SGCZ: variants seen among roughly 807,000 people sequenced by gnomAD.
SGCZ encodes the protein zeta-sarcoglycan.
Under a neutral mutation model 41.3 loss-of-function variants are expected in SGCZ, and 40 were observed. The ratio of observed to expected loss-of-function variants is 0.97; its 90% CI spans 0.75 to 1.26. The LOEUF is 1.26. Among genes scored for constraint, SGCZ ranks in the 50% most tolerant of loss-of-function variants. The pLI, the probability that SGCZ is intolerant of heterozygous loss-of-function variation, is 0.00. For synonymous variants in SGCZ, 206 were observed against 137.5 expected (o/e 1.50, Z -3.49); for missense variants, 552 against 369.8 (o/e 1.49, Z -4.04).
intron 4 of SGCZ, among the ~76,000 whole-genome samples, chr8:14,177,393 A>C (rs1804574831): frequency 1.3e-5 from 2 of 152,228 alleles, no homozygotes; most frequent in South Asian, 4.1e-4. Context: ...TCTTGTGAAC[A>C]TAATTTAACT....
chr8:14,683,980 G>T (rs1369131150), intron 1 of SGCZ, among the ~76,000 whole-genome samples: 1 of 151,916 alleles, frequency 6.6e-6, no homozygotes, highest in Admixed American at 6.6e-5. Context: ...ACAATCCATG[G>T]GATGCCATAG....
intron 1 of SGCZ, among the ~76,000 whole-genome samples, chr8:14,618,584 T>C (rs953287414): frequency 5.3e-5 from 8 of 152,182 alleles, no homozygotes; most frequent in African/African-American, 1.9e-4. Flanking sequence ...ATGCAGTGTT[T>C]TGTACTCATT....
chr8:14,095,813 C>T (rs978452560), intron 7 of SGCZ, among the ~76,000 whole-genome samples: 10 of 152,240 alleles, frequency 6.6e-5, no homozygotes, highest in Middle Eastern at 3.4e-3. Flanking sequence ...TGAAGAGGTG[C>T]TTCACATCCC....
At chr8:14,288,253 G>T (rs1800709926) in intron 3 of SGCZ, among the ~76,000 whole-genome samples, 1 of 151,938 alleles carries the variant, frequency 6.6e-6, no homozygotes, top group South Asian at 2.1e-4. Flanking sequence ...GTATTAGCTG[G>T]TTAATTTTTT....
chr8:14,357,848 A>G (rs1803352031), intron 2 of SGCZ, among the ~76,000 whole-genome samples: 1 of 152,120 alleles, frequency 6.6e-6, no homozygotes, highest in South Asian at 2.1e-4. Flanking sequence ...CTAACTCCAA[A>G]ACTTGATCAG....
intron 1 of SGCZ, among the ~76,000 whole-genome samples, chr8:14,585,649 T>G (rs941837783): frequency 2.6e-4 from 39 of 152,166 alleles, no homozygotes; most frequent in Non-Finnish European, 5.0e-4. Context: ...AGACTCATTC[T>G]CTGAAAGAAA....
chr8:14,779,176 G>C (rs746989098), intron 1 of SGCZ, among the ~76,000 whole-genome samples: 3 of 151,984 alleles, frequency 2.0e-5, no homozygotes, highest in Non-Finnish European at 2.9e-5. Context: ...ATTAAATCAT[G>C]GTCACCTATA....
At chr8:14,719,504 C>T (rs1303664535) in intron 1 of SGCZ, among the ~76,000 whole-genome samples, 3 of 151,746 alleles carry the variant, frequency 2.0e-5, no homozygotes, top group African/African-American at 7.3e-5. Flanking sequence ...TCCACATCCT[C>T]TCCAGCACCT....
At chr8:15,220,444 A>T (rs111849598) in intron 1 of SGCZ, among the ~76,000 whole-genome samples, 91 of 152,244 alleles carry the variant, frequency 6.0e-4, no homozygotes, top group African/African-American at 2.0e-3. Flanking sequence ...TGCAAATGAC[A>T]CCCTGCCTTG....
At position 14,404,270 on chromosome 8, in the gene SGCZ, C is replaced by T. The variant is rs7820851; in HGVS notation, c.235-80066G>A. 2.0e-5 allele frequency among the ~76,000 whole-genome samples: 3 copies of T among 152,068 alleles called. 1 individual carries two copies. The highest frequency in any genetic ancestry group is 7.2e-5 in the African/African-American group (3 of 41,472). On this transcript the variant is annotated intron_variant, in intron 2 of 7. Transcript: ENST00000382080. Reference sequence around the variant, plus strand: ...TGCCAGTGTTCATTTTAAAACTGTGCTAGAAAATCTTTAAGGATTATATTA... The same window carrying T: ...TGCCAGTGTTCATTTTAAAACTGTGTTAGAAAATCTTTAAGGATTATATTA...
chr8:14,386,313 A>G (rs1804575501), intron 2 of SGCZ, among the ~76,000 whole-genome samples: 1 of 152,126 alleles, frequency 6.6e-6, no homozygotes, highest in African/African-American at 2.4e-5. Context: ...AAAAAAAAAA[A>G]AAACATTCTT....
chr8:14,093,516 A>G (rs949036409), intron 7 of SGCZ, among the ~76,000 whole-genome samples: 1 of 152,094 alleles, frequency 6.6e-6, no homozygotes, highest in Admixed American at 6.6e-5. Context: ...TAGCAAAAGC[A>G]CTATGGCCTC....
chr8:14,746,769 G>A (rs1266793317), intron 1 of SGCZ, among the ~76,000 whole-genome samples: 2 of 152,118 alleles, frequency 1.3e-5, no homozygotes, highest in East Asian at 3.9e-4. Flanking sequence ...GGTTTTTTGT[G>A]TGTTTGTGTG....
intron 1 of SGCZ, among the ~76,000 whole-genome samples, chr8:14,851,291 C>A (rs1324382569): frequency 6.9e-6 from 1 of 145,440 alleles, no homozygotes; most frequent in Non-Finnish European, 1.5e-5. Flanking sequence ...ATGGCATGAA[C>A]CTGGGAGGCA....
At chr8:14,628,630 C>T (rs1367782741) in intron 1 of SGCZ, among the ~76,000 whole-genome samples, 2 of 151,886 alleles carry the variant, frequency 1.3e-5, no homozygotes, top group Non-Finnish European at 2.9e-5. Context: ...GCTGATTAGG[C>T]AAAATTTCTA....
intron 1 of SGCZ, among the ~76,000 whole-genome samples, chr8:14,927,269 C>T (rs1050471083): frequency 2.0e-5 from 3 of 151,846 alleles, no homozygotes; most frequent in Admixed American, 6.6e-5. Flanking sequence ...CCACCACGCC[C>T]GCCTAATTTT....
chr8:15,057,555 A>G (rs1208542321), intron 1 of SGCZ, among the ~76,000 whole-genome samples: 3 of 152,196 alleles, frequency 2.0e-5, no homozygotes, highest in Non-Finnish European at 2.9e-5. Context: ...TGTATTAATT[A>G]AACAAGCTTA....
intron 2 of SGCZ, among the ~76,000 whole-genome samples, chr8:14,360,877 G>C (rs527601481): frequency 6.6e-6 from 1 of 152,182 alleles, no homozygotes; most frequent in South Asian, 2.1e-4. Flanking sequence ...TTGTTTTCTA[G>C]AGTGGCTGTA....
chr8:14,444,728 G>C (rs575691168), intron 2 of SGCZ, among the ~76,000 whole-genome samples: 1 of 151,556 alleles, frequency 6.6e-6, no homozygotes, highest in Non-Finnish European at 1.5e-5. Context: ...CGAGTTAATG[G>C]GTGCAGCACA....
Sources: gnomAD v4.1 joint callset for allele counts (sites outside exome capture counted in the v4.1 genomes callset) on GRCh38, gnomAD v4.1.1 for gene constraint, MANE v1.5 for transcripts, NCBI Gene and HGNC (gene_info 2026-07-23, HGNC 2026-07-21) for gene names.